The following RHOU variants were observed in gnomAD, a reference collection of about 807,000 sequenced individuals.
RHOU encodes ras homolog family member U.
A neutral mutation model predicts 12.6 loss-of-function variants in RHOU; 8 were observed. That is an observed-to-expected ratio of 0.64 (90% CI 0.37 to 1.15). RHOU has a LOEUF of 1.15. Among genes scored for constraint, RHOU ranks in the 50% most tolerant of loss-of-function variants. RHOU has a pLI of 0.01. For missense variants in RHOU, 258 were observed against 347.0 expected (o/e 0.74, Z 2.04); for synonymous variants, 161 against 147.4 (o/e 1.09, Z -0.67).
Position 228,738,413 on chromosome 1 carries a change from A to T in RHOU, c.321+682A>T, listed in dbSNP as rs1662657427. On this transcript the variant is annotated intron_variant, in intron 2 of 2. Transcript: ENST00000366691. This position sits in a 1 kb window ranked among gnomAD's most constrained non-coding sequence, Gnocchi z 4.2. ...AGAAGCCCCCATTGGTGGGTACTCG[A>T]GTCATTGAAGTCAGGCTGTGCCTTG... 6.6e-6 allele frequency among the ~76,000 whole-genome samples: 1 copy of T among 152,148 alleles called. No homozygotes were observed.
the RHOU span, among the ~76,000 whole-genome samples, chr1:228,647,448 G>A: frequency 6.6e-6 from 1 of 152,188 alleles, no homozygotes; most frequent in African/African-American, 2.4e-5. Flanking sequence ...TAGGAATCCG[G>A]GTGCACAGGG....
the RHOU span, among the ~76,000 whole-genome samples, chr1:228,691,537 T>C: frequency 2.6e-5 from 4 of 152,150 alleles, no homozygotes; most frequent in African/African-American, 7.2e-5. Context: ...CAGATTGGCT[T>C]CTTTCATGCA....
At chr1:228,682,947 G>A in the RHOU span, among the ~76,000 whole-genome samples, 1 of 152,104 alleles carries the variant, frequency 6.6e-6, no homozygotes, top group Non-Finnish European at 1.5e-5. Flanking sequence ...TAGCCCCATG[G>A]TGCTTTGACT....
chr1:228,714,052 A>G, the RHOU span, among the ~76,000 whole-genome samples: 2 of 152,168 alleles, frequency 1.3e-5, no homozygotes, highest in Admixed American at 6.6e-5. Context: ...TATAGCCTCT[A>G]TGGAGACAAT....
chr1:228,724,370 A>G, the RHOU span, among the ~76,000 whole-genome samples: 3 of 152,228 alleles, frequency 2.0e-5, no homozygotes, highest in Non-Finnish European at 4.4e-5. Context: ...CTATCTATTT[A>G]TAATGTACAA....
chr1:228,729,584 C>T, the RHOU span, among the ~76,000 whole-genome samples: 16 of 152,256 alleles, frequency 1.1e-4, no homozygotes, highest in African/African-American at 3.1e-4. Flanking sequence ...AAGACTGCAT[C>T]CCTGAGTCTC....
chr1:228,741,638 A>G (rs762739011), intron 2 of RHOU, among the ~76,000 whole-genome samples: 55 of 152,190 alleles, frequency 3.6e-4, no homozygotes, highest in Non-Finnish European at 5.9e-4. Flanking sequence ...TTCATCACAA[A>G]GTTGGCATGA....
At chr1:228,664,667 C>T in the RHOU span, among the ~76,000 whole-genome samples, 1 of 152,062 alleles carries the variant, frequency 6.6e-6, no homozygotes, top group African/African-American at 2.4e-5. Flanking sequence ...GAGGTTTGTC[C>T]TTGTTGCCCA....
chr1:228,689,493 T>G, the RHOU span, among the ~76,000 whole-genome samples: 15 of 152,154 alleles, frequency 9.9e-5, no homozygotes, highest in Non-Finnish European at 2.1e-4. Context: ...TTGTTGTCAT[T>G]TCAGGGCTAC....
chr1:228,648,201 C>T, the RHOU span, among the ~76,000 whole-genome samples: 6 of 152,258 alleles, frequency 3.9e-5, no homozygotes, highest in Non-Finnish European at 7.3e-5. Flanking sequence ...CCGTTGCCCG[C>T]CGCCTTGCGC....
upstream of RHOU, among the ~76,000 whole-genome samples, chr1:228,732,668 G>A (rs1301946914): frequency 3.9e-5 from 6 of 152,106 alleles, no homozygotes; most frequent in South Asian, 4.2e-4. Flanking sequence ...CCAGAAAAAC[G>A]GGCCCAAATG....
chr1:228,692,892 C>T, the RHOU span, among the ~76,000 whole-genome samples: 3 of 151,962 alleles, frequency 2.0e-5, no homozygotes, highest in Admixed American at 6.6e-5. Flanking sequence ...TAAAGACCTC[C>T]TTTAAACTAT....
chr1:228,735,437 C>T, upstream of RHOU: 1 of 199,744 alleles, frequency 5.0e-6, no homozygotes, highest in Non-Finnish European at 1.0e-5. The surrounding 1 kb of genome is among the most constrained non-coding windows in gnomAD (Gnocchi z 8.1). Context: ...GCCCGCCTGC[C>T]CGCCCCCCAC....
chr1:228,664,842 C>T, the RHOU span, among the ~76,000 whole-genome samples: 2 of 152,068 alleles, frequency 1.3e-5, no homozygotes, highest in African/African-American at 4.8e-5. Flanking sequence ...CCATGTTGGC[C>T]ATTTTGGTCT....
chr1:228,716,802 G>A, the RHOU span, among the ~76,000 whole-genome samples: 1 of 151,788 alleles, frequency 6.6e-6, no homozygotes, highest in Non-Finnish European at 1.5e-5. Flanking sequence ...TCACAATCAC[G>A]CATCAAAAAA....
the RHOU span, among the ~76,000 whole-genome samples, chr1:228,713,342 G>A: frequency 6.6e-6 from 1 of 152,308 alleles, no homozygotes; most frequent in African/African-American, 2.4e-5. Context: ...AAACTCCAAA[G>A]GGACTGGGTT....
the RHOU span, among the ~76,000 whole-genome samples, chr1:228,670,097 A>AG: frequency 1.3e-5 from 2 of 152,228 alleles, no homozygotes; most frequent in African/African-American, 4.8e-5. Flanking sequence ...AATAGTAAGT[A>AG]GGTAAGTTAA....
chr1:228,681,141 C>T, the RHOU span, among the ~76,000 whole-genome samples: 1 of 152,150 alleles, frequency 6.6e-6, no homozygotes, highest in South Asian at 2.1e-4. Context: ...AGAGCCTAAA[C>T]GCTGGCTGAT....
At chr1:228,717,768 C>T in the RHOU span, among the ~76,000 whole-genome samples, 1 of 152,192 alleles carries the variant, frequency 6.6e-6, no homozygotes, top group East Asian at 1.9e-4. Context: ...GCCCTACTTC[C>T]TTCTCAACCT....
Sources: gnomAD v4.1 joint callset for allele counts (sites outside exome capture counted in the v4.1 genomes callset) on GRCh38, gnomAD v4.1.1 for gene constraint, Gnocchi (gnomAD v3.1) non-coding constraint, MANE v1.5 for transcripts, NCBI Gene and HGNC (gene_info 2026-07-23, HGNC 2026-07-21) for gene names.